PCYT1B: variants seen among roughly 807,000 people sequenced by gnomAD.
The protein encoded by PCYT1B is phosphate cytidylyltransferase 1B, choline, also known as choline-phosphate cytidylyltransferase B.
PCYT1B carries 10 observed loss-of-function variants against 26.4 expected under a neutral mutation model. That is an observed-to-expected ratio of 0.38 (90% CI 0.23 to 0.64). The LOEUF is 0.64. Among genes scored for constraint, PCYT1B ranks in the 30% least tolerant of loss-of-function variants. The probability of loss-of-function intolerance (pLI) is 0.56; values close to 1 mark genes in which losing one functional copy is unlikely to be tolerated. For missense variants in PCYT1B, 161 were observed against 292.7 expected (o/e 0.55, Z 3.28); for synonymous variants, 131 against 108.4 (o/e 1.21, Z -1.29).
intron 1 of PCYT1B, among the ~76,000 whole-genome samples, chrX:24,637,173 A>G (rs1926297563): frequency 9.1e-6 from 1 of 109,702 alleles, no homozygotes; most frequent in Admixed American, 1.0e-4. Context: ...TATGACTGGG[A>G]GGGCTAAATA....
At chrX:24,575,845 A>G (rs968632529) in intron 6 of PCYT1B, among the ~76,000 whole-genome samples, 4 of 112,565 alleles carry the variant, frequency 3.6e-5, no homozygotes, top group Non-Finnish European at 7.5e-5. Flanking sequence ...ATTTTCCACT[A>G]TGCTAATTTA....
At position 24,562,413 on chromosome X, in the gene PCYT1B, A is replaced by C; in HGVS notation, c.990T>G (p.Pro330=). 8.4e-7 allele frequency: 1 copy of C among 1,191,666 alleles called. No individual in the cohort carries two copies. Among genetic ancestry groups the C allele is most frequent in the Non-Finnish European group, 1.1e-6 (1 of 886,316 alleles). ...PVSSPTRSRS[P]SRSPSPTFSW... Reference sequence around the variant, plus strand: ...AGAAGGTGGGCGATGGGGAGCGGGAAGGGGACCGGCTCCGGGTTGGGCTGC... The same window carrying C: ...AGAAGGTGGGCGATGGGGAGCGGGACGGGGACCGGCTCCGGGTTGGGCTGC... The change falls in exon 8 of 8, where the codon CCT becomes CCG. Residue 330 remains proline, a synonymous_variant. Coordinates refer to ENST00000379144, the MANE Select transcript of PCYT1B (RefSeq NM_004845.5).
chrX:24,647,342 G>A lies in PCYT1B; in HGVS notation c.-237C>T, dbSNP rs1323247797. ...CAGTTTATCACTATAACAACCAGAC[G>A]ACACTGAAGCGGCTGGTGCGGGATA... On this transcript the variant is annotated 5_prime_UTR_variant, in exon 1 of 8. Coordinates refer to ENST00000379144, the MANE Select transcript of PCYT1B (RefSeq NM_004845.5). 9 of 913,635 alleles carry A rather than the reference G, an allele frequency of 9.9e-6. No individual in the cohort carries two copies. The highest frequency in any genetic ancestry group is 2.1e-5 in the African/African-American group (1 of 47,857). 75.3% of individuals were successfully genotyped at this position (913,635 alleles called of 1,213,427 possible). A position where few individuals can be genotyped will look rare whatever the true frequency, so the allele number is the denominator to read the frequency against.
intron 7 of PCYT1B, among the ~76,000 whole-genome samples, chrX:24,563,331 C>T (rs996454215): frequency 8.1e-5 from 9 of 111,782 alleles, no homozygotes; most frequent in African/African-American, 2.9e-4. Flanking sequence ...ACTGAGAAAA[C>T]GCTTCTTGAG....
intron 1 of PCYT1B, among the ~76,000 whole-genome samples, chrX:24,619,681 C>G (rs751279283): frequency 1.8e-5 from 2 of 112,329 alleles, no homozygotes; most frequent in Non-Finnish European, 3.8e-5. Flanking sequence ...ATGCAAAGGC[C>G]AAAGCTGTTA....
intron 3 of PCYT1B, among the ~76,000 whole-genome samples, chrX:24,599,983 T>A (rs1924907622): frequency 9.0e-6 from 1 of 110,946 alleles, no homozygotes; most frequent in South Asian, 3.9e-4. Flanking sequence ...TCTCAGCTCA[T>A]GGCAACCTCC....
chrX:24,636,400 G>A (rs147285756), intron 1 of PCYT1B, among the ~76,000 whole-genome samples: 1,542 of 112,313 alleles, frequency 0.014, 16 homozygotes, highest in Middle Eastern at 0.033. Flanking sequence ...ATCACCTGAG[G>A]TCAGGAGTTC....
chrX:24,652,917 CTA>C (rs1301230793), intron 1 of PCYT1B, among the ~76,000 whole-genome samples: 2 of 110,979 alleles, frequency 1.8e-5, no homozygotes, highest in Admixed American at 1.9e-4. Context: ...AACCCAGTCT[CTA>C]TTAAAAACAC....
intron 7 of PCYT1B, among the ~76,000 whole-genome samples, chrX:24,566,783 A>T (rs990521818): frequency 8.1e-5 from 9 of 111,627 alleles, no homozygotes; most frequent in African/African-American, 2.9e-4. Context: ...TACTTTGTAG[A>T]GTCCCAAGTT....
At chrX:24,624,010 C>T (rs1490971022) in intron 1 of PCYT1B, among the ~76,000 whole-genome samples, 3 of 95,023 alleles carry the variant, frequency 3.2e-5, no homozygotes, top group Non-Finnish European at 4.1e-5. Context: ...CTCGCTCTGT[C>T]GCCCAGGCTG....
intron 2 of PCYT1B, among the ~76,000 whole-genome samples, chrX:24,617,427 T>C (rs1353021467): frequency 5.1e-5 from 5 of 97,448 alleles, no homozygotes; most frequent in Non-Finnish European, 1.0e-4. Context: ...AGTTATGCCA[T>C]GTTATTTTAT....
intron 1 of PCYT1B, among the ~76,000 whole-genome samples, chrX:24,638,304 A>T (rs1257243541): frequency 8.9e-6 from 1 of 111,735 alleles, no homozygotes; most frequent in Non-Finnish European, 1.9e-5. Flanking sequence ...ACCAGGGCTC[A>T]CTGCTTTATT....
intron 3 of PCYT1B, among the ~76,000 whole-genome samples, chrX:24,593,450 CTTTTCT>C (rs1569242709): frequency 1.8e-3 from 12 of 6,693 alleles, no homozygotes; most frequent in African/African-American, 9.3e-3. Flanking sequence ...TCTTTCTTTT[CTTTTCT>C]TTTCTTTTCT....
intron 3 of PCYT1B, among the ~76,000 whole-genome samples, chrX:24,595,041 A>G (rs760979830): frequency 1.8e-5 from 2 of 110,755 alleles, no homozygotes; most frequent in East Asian, 2.9e-4. Flanking sequence ...AATGTTAGCC[A>G]TTTACGAATA....
rs140279380 is a variant in PCYT1B at position 24,583,135 on chromosome X, G to A, written c.566-3677C>T. On this transcript the variant is annotated intron_variant, in intron 5 of 7. Transcript: ENST00000379144. ...AGTGACTTGCTTGTACCAAATGAAC[G>A]TGGCAAAAGTAACTCTGTGTGACTT... 8.9e-5 allele frequency among the ~76,000 whole-genome samples: 10 copies of A among 112,250 alleles called. No homozygotes were observed. In the East Asian group the frequency reaches 2.8e-3, roughly 31 times the overall value.
intron 1 of PCYT1B, among the ~76,000 whole-genome samples, chrX:24,668,456 T>C (rs192048600): frequency 9.0e-6 from 1 of 110,849 alleles, no homozygotes; most frequent in Admixed American, 9.6e-5. Context: ...AAAATCGGAG[T>C]CCACTTCAAT....
At chrX:24,648,145 T>A (rs1206932827), upstream of PCYT1B, among the ~76,000 whole-genome samples, 1 of 111,990 alleles carries the variant, frequency 8.9e-6, no homozygotes, top group Non-Finnish European at 1.9e-5. Context: ...AGAGATGGAA[T>A]GTTAACGATC....
At chrX:24,651,475 ATATATATATATATATATAT>A (rs1926777494), upstream of PCYT1B, among the ~76,000 whole-genome samples, 40 of 30,645 alleles carry the variant, frequency 1.3e-3, 3 homozygotes, top group African/African-American at 3.9e-3. Flanking sequence ...AAAAAAAAAT[ATATATATATATATATATAT>A]ATATATATAT....
intron 2 of PCYT1B, among the ~76,000 whole-genome samples, chrX:24,617,373 T>TTG (rs59119952): frequency 0.099 from 10,212 of 103,216 alleles, 1,291 homozygotes; most frequent in African/African-American, 0.36. Flanking sequence ...GTTTGTTTGT[T>TTG]TTTTTTTTTG....
Sources: gnomAD v4.1 joint callset for allele counts (sites outside exome capture counted in the v4.1 genomes callset) on GRCh38, gnomAD v4.1.1 for gene constraint, MANE v1.5 for transcripts, NCBI Gene and HGNC (gene_info 2026-07-23, HGNC 2026-07-21) for gene names.